Variants in WASHC4 observed in about 807,000 individuals in gnomAD.
The protein encoded by WASHC4 is WASH complex subunit 4, also known as WASH complex subunit 7.
In WASHC4, 86 loss-of-function variants were observed where a neutral mutation model predicts 166.6. The ratio of observed to expected loss-of-function variants is 0.52; its 90% CI spans 0.43 to 0.62. WASHC4 has a LOEUF of 0.62. Ranked by LOEUF, WASHC4 falls within the 20% of genes least tolerant of loss-of-function variation. The pLI is 0.00. For missense variants in WASHC4, 1,262 were observed against 1,382.4 expected (o/e 0.91, Z 1.38); for synonymous variants, 446 against 451.6 (o/e 0.99, Z 0.16).
chr12:105,111,073 C>G (rs1042083862), intron 1 of WASHC4, 52 bp from the exon 2 acceptor site: 2 of 1,324,840 alleles, frequency 1.5e-6, no homozygotes, highest in Non-Finnish European at 2.2e-6. Context: ...AGTAAATGTC[C>G]TGCAATTCAT....
intron 22 of WASHC4, among the ~76,000 whole-genome samples, chr12:105,145,943 G>A (rs971530270): frequency 6.6e-6 from 1 of 152,090 alleles, no homozygotes; most frequent in Non-Finnish European, 1.5e-5. Context: ...CTGCTGCCTA[G>A]CTATTTTGCC....
chr12:105,124,237 A>G (rs542210611), intron 10 of WASHC4, among the ~76,000 whole-genome samples: 3 of 150,708 alleles, frequency 2.0e-5, no homozygotes, highest in East Asian at 3.9e-4. Flanking sequence ...CTCCTGCCTC[A>G]GCCTCCCGAG....
chr12:105,158,423 T>C (rs1418080994), intron 28 of WASHC4, among the ~76,000 whole-genome samples: 1 of 152,172 alleles, frequency 6.6e-6, no homozygotes, highest in Non-Finnish European at 1.5e-5. Flanking sequence ...CTTGATGCAA[T>C]GTAATGTCAA....
intron 26 of WASHC4, among the ~76,000 whole-genome samples, chr12:105,153,213 A>G (rs1314960141): frequency 6.6e-6 from 1 of 152,198 alleles, no homozygotes; most frequent in Non-Finnish European, 1.5e-5. Flanking sequence ...ATTTTGGGAA[A>G]ATTCTGCCTT....
At chr12:105,124,910 T>A (rs1168650913) in intron 10 of WASHC4, among the ~76,000 whole-genome samples, 3 of 152,208 alleles carry the variant, frequency 2.0e-5, no homozygotes, top group Non-Finnish European at 2.9e-5. Flanking sequence ...GTAAATAAAT[T>A]AAAATGAAAT....
chr12:105,123,461 C>T (rs1197284507), intron 10 of WASHC4, among the ~76,000 whole-genome samples: 1 of 152,194 alleles, frequency 6.6e-6, no homozygotes, highest in Non-Finnish European at 1.5e-5. Context: ...AGCATTACTG[C>T]TCATATGGAG....
intron 10 of WASHC4, among the ~76,000 whole-genome samples, chr12:105,124,118 CTTTTTT>C (rs544937988): frequency 2.2e-5 from 3 of 138,966 alleles, no homozygotes; most frequent in Non-Finnish European, 4.7e-5. Flanking sequence ...GTAAATATAA[CTTTTTT>C]TTTTTTTTTT....
intron 24 of WASHC4, chr12:105,149,335 C>CT: frequency 9.8e-7 from 1 of 1,020,996 alleles, no homozygotes; most frequent in South Asian, 3.7e-5. Flanking sequence ...GTGATTCTCA[C>CT]TACAGCCCTT....
chr12:105,114,480 G>A (rs1235267583), intron 4 of WASHC4, 53 bp downstream of exon 4: 37 of 1,181,360 alleles, frequency 3.1e-5, no homozygotes, highest in East Asian at 5.1e-5. Context: ...TTAGAAGCAA[G>A]TATGTGTTTA....
intron 29 of WASHC4, among the ~76,000 whole-genome samples, chr12:105,161,082 A>G (rs1884467074): frequency 6.6e-6 from 1 of 152,216 alleles, no homozygotes. Context: ...AAGTTTAAAA[A>G]AAATTGTAAG....
chr12:105,132,427 C>T (rs1881919972), intron 13 of WASHC4, among the ~76,000 whole-genome samples: 1 of 152,218 alleles, frequency 6.6e-6, no homozygotes. Flanking sequence ...CTGCCTCGGC[C>T]TCCCGAAGTG....
At chr12:105,150,831 CAG>C (rs779143887) in intron 25 of WASHC4, among the ~76,000 whole-genome samples, 16 of 151,914 alleles carry the variant, frequency 1.1e-4, no homozygotes, top group Non-Finnish European at 2.2e-4. Flanking sequence ...TACCTCTTCA[CAG>C]GGTGACGGGA....
At chr12:105,140,650 T>C (rs1882761044) in intron 16 of WASHC4, among the ~76,000 whole-genome samples, 1 of 152,368 alleles carries the variant, frequency 6.6e-6, no homozygotes, top group South Asian at 2.1e-4. Context: ...AATTGATGCA[T>C]CATTTAAAAA....
intron 1 of WASHC4, among the ~76,000 whole-genome samples, chr12:105,109,669 T>TC (rs1879462391): frequency 1.3e-5 from 2 of 149,758 alleles, no homozygotes; most frequent in African/African-American, 4.9e-5. Flanking sequence ...TTTTTTTTTT[T>TC]TCGAGACAAG....
chr12:105,142,279 T>C (rs902509834), intron 18 of WASHC4, among the ~76,000 whole-genome samples, 174 bp from the exon 19 acceptor site: 1 of 152,152 alleles, frequency 6.6e-6, no homozygotes, highest in Non-Finnish European at 1.5e-5. Context: ...GTTACCTTTG[T>C]TTCATTTTGA....
intron 13 of WASHC4, among the ~76,000 whole-genome samples, chr12:105,130,726 C>T (rs1881722712): frequency 6.6e-6 from 1 of 152,166 alleles, no homozygotes; most frequent in Non-Finnish European, 1.5e-5. Context: ...TACTATACAC[C>T]AGACCCCAAG....
intron 7 of WASHC4, among the ~76,000 whole-genome samples, chr12:105,120,026 G>T (rs985586063): frequency 6.6e-6 from 1 of 152,136 alleles, no homozygotes; most frequent in Non-Finnish European, 1.5e-5. Context: ...GAGCCCAGGA[G>T]TTCGAGACCT....
intron 28 of WASHC4, among the ~76,000 whole-genome samples, chr12:105,159,144 G>T (rs1342668533): frequency 1.3e-5 from 2 of 152,164 alleles, no homozygotes; most frequent in African/African-American, 4.8e-5. Context: ...CAAAGGAAAG[G>T]ATCAGACCTT....
intron 13 of WASHC4, among the ~76,000 whole-genome samples, chr12:105,132,789 TGTG>T (rs1375660341): frequency 2.2e-3 from 7 of 3,128 alleles, no homozygotes; most frequent in East Asian, 0.016. Context: ...AAAGAGGTAG[TGTG>T]TGTGTGTGTG....
Sources: allele counts gnomAD v4.1 joint callset (sites outside exome capture counted in the v4.1 genomes callset), GRCh38; gene constraint gnomAD v4.1.1; transcripts MANE v1.5; gene names NCBI Gene and HGNC (gene_info 2026-07-23, HGNC 2026-07-21).